The following MAN1C1 variants were observed in gnomAD, a reference collection of about 807,000 sequenced individuals.
The protein encoded by MAN1C1 is mannosidase alpha class 1C member 1, also known as mannosyl-oligosaccharide 1,2-alpha-mannosidase IC.
MAN1C1 carries 49 observed loss-of-function variants against 71.5 expected under a neutral mutation model. The observed-to-expected ratio is 0.69, with a 90% CI of 0.54 to 0.87. The LOEUF (loss-of-function observed/expected upper bound fraction) is 0.87, where lower values mean the gene tolerates loss of function less well. Among genes scored for constraint, MAN1C1 ranks in the 40% least tolerant of loss-of-function variants. The pLI is 0.00. For synonymous variants in MAN1C1, 352 were observed against 343.7 expected (o/e 1.02, Z -0.27); for missense variants, 743 against 835.0 (o/e 0.89, Z 1.36).
At position 25,712,562 on chromosome 1, in the gene MAN1C1, G is replaced by C. The variant is rs180910789; in HGVS notation, c.637+26026G>C. Among the ~76,000 whole-genome samples the C allele has an allele frequency of 4.6e-5, 7 of 152,324 alleles. No individual in the cohort carries two copies. The East Asian group carries it at 1.3e-3, about 29-fold the overall frequency. ...TGAGCTATCCTGATGGTTCTAGCATGTTTAGAGGTCTTTGTGAAACTGCTT... is the reference window on the plus strand; with the variant it reads ...TGAGCTATCCTGATGGTTCTAGCATCTTTAGAGGTCTTTGTGAAACTGCTT... On this transcript the variant is annotated intron_variant, in intron 2 of 11. Coordinates refer to ENST00000374332, the MANE Select transcript of MAN1C1 (RefSeq NM_020379.4).
Position 25,618,134 on chromosome 1 carries a change from C to G in MAN1C1, c.337C>G (p.Arg113Gly). The G allele has an allele frequency of 3.3e-6, 5 of 1,520,856 alleles. No individual in the cohort carries two copies. Among genetic ancestry groups the G allele is most frequent in the Non-Finnish European group, 4.4e-6 (5 of 1,142,054 alleles). 94.2% of individuals were successfully genotyped at this position (1,520,856 alleles called of 1,614,324 possible). ...RRRKGGLRRT[R>G]PTGPREEATA... ...CAGGAAAGGGGGGCTGCGGCGCACC[C>G]GCCCCACTGGACCCCGCGAGGAGGC... The change falls in exon 1 of 12, where the codon CGC (arginine) becomes GGC (glycine). Residue 113 changes from arginine (R) to glycine (G), a missense_variant. Physicochemically the swap from Arg to Gly is moderately radical, Grantham distance 125. Transcript: ENST00000374332.
At chr1:25,742,360 C>G (rs1277972948) in intron 2 of MAN1C1, among the ~76,000 whole-genome samples, 1 of 152,158 alleles carries the variant, frequency 6.6e-6, no homozygotes, top group African/African-American at 2.4e-5. Context: ...CTTTTGGAGG[C>G]AACTACACAA....
chr1:25,708,669 G>A (rs766646046), intron 2 of MAN1C1, among the ~76,000 whole-genome samples: 27 of 152,166 alleles, frequency 1.8e-4, no homozygotes, highest in Non-Finnish European at 3.4e-4. Flanking sequence ...CGGATCACCT[G>A]AGGTCAGGAG....
At chr1:25,741,860 T>A (rs1269559923) in intron 2 of MAN1C1, among the ~76,000 whole-genome samples, 9 of 152,086 alleles carry the variant, frequency 5.9e-5, no homozygotes, top group Admixed American at 3.9e-4. Context: ...AGTATCGGTA[T>A]GTAAGGAGGG....
intron 2 of MAN1C1, among the ~76,000 whole-genome samples, chr1:25,698,896 G>A (rs1292060259): frequency 2.0e-5 from 3 of 151,650 alleles, no homozygotes; most frequent in Non-Finnish European, 4.4e-5. Context: ...TGCAGTGAGT[G>A]GAGATCGCGC....
At chr1:25,727,596 G>A (rs539797715) in intron 2 of MAN1C1, among the ~76,000 whole-genome samples, 6 of 152,344 alleles carry the variant, frequency 3.9e-5, no homozygotes, top group African/African-American at 7.2e-5. Flanking sequence ...AAAAGGACAC[G>A]GAGTGCCCAT....
At chr1:25,777,518 G>A (rs1572214433) in intron 8 of MAN1C1, 1 of 152,248 alleles carries the variant, frequency 6.6e-6, no homozygotes, top group African/African-American at 2.4e-5. Flanking sequence ...CCTGGGACAA[G>A]CTGCCACACC....
intron 1 of MAN1C1, among the ~76,000 whole-genome samples, chr1:25,677,032 G>A (rs887292463): frequency 3.3e-5 from 5 of 152,172 alleles, no homozygotes; most frequent in African/African-American, 9.7e-5. Context: ...CTGGGTGATC[G>A]ATTCTAGTCT....
At chr1:25,679,509 A>G (rs999798656) in intron 1 of MAN1C1, among the ~76,000 whole-genome samples, 1 of 151,850 alleles carries the variant, frequency 6.6e-6, no homozygotes, top group Non-Finnish European at 1.5e-5. Flanking sequence ...TGTGTAATGT[A>G]TAAATTTGGG....
chr1:25,690,288 C>CTTTTTTT (rs33932251), intron 2 of MAN1C1, among the ~76,000 whole-genome samples: 12 of 119,758 alleles, frequency 1.0e-4, no homozygotes, highest in African/African-American at 1.5e-4. Context: ...ATCTCTGCCT[C>CTTTTTTT]TTTTTTTTTT....
chr1:25,742,555 G>T (rs1410830679), intron 2 of MAN1C1, among the ~76,000 whole-genome samples: 1 of 152,230 alleles, frequency 6.6e-6, no homozygotes, highest in Non-Finnish European at 1.5e-5. Flanking sequence ...AGATTTTTGT[G>T]GAGGGGCTGC....
At position 25,725,032 on chromosome 1, in the gene MAN1C1, A is replaced by C. The variant is rs2065970; in HGVS notation, c.638-21636A>C. 6.6e-6 allele frequency among the ~76,000 whole-genome samples: 1 copy of C among 152,054 alleles called. No individual in the cohort carries two copies. The highest frequency in any genetic ancestry group is 2.4e-5 in the African/African-American group (1 of 41,324). ...TCCATTCTGGAAACTGATTATGTCT[A>C]TAACACCAACCCAGAGATAAGCATT... On this transcript the variant is annotated intron_variant, in intron 2 of 11. Coordinates refer to ENST00000374332, the MANE Select transcript of MAN1C1 (RefSeq NM_020379.4). This position sits in a 1 kb window ranked among gnomAD's most constrained non-coding sequence, Gnocchi z 4.8.
chr1:25,690,373 G>C (rs944205653), intron 2 of MAN1C1, among the ~76,000 whole-genome samples: 1 of 144,838 alleles, frequency 6.9e-6, no homozygotes, highest in Non-Finnish European at 1.5e-5. Context: ...GCTCACTTCA[G>C]CCGCTGCCTC....
chr1:25,666,963 G>A (rs2045932674), intron 1 of MAN1C1, among the ~76,000 whole-genome samples: 1 of 152,054 alleles, frequency 6.6e-6, no homozygotes, highest in African/African-American at 2.4e-5. Flanking sequence ...GCAGGAGGCT[G>A]CTGTTTCCTA....
chr1:25,709,664 A>G (rs2046576391), intron 2 of MAN1C1: 2 of 152,200 alleles, frequency 1.3e-5, no homozygotes, highest in Admixed American at 1.3e-4. Context: ...ATTCCTCACC[A>G]ATGCCTGATA....
intron 2 of MAN1C1, among the ~76,000 whole-genome samples, chr1:25,717,661 C>T (rs1045351804): frequency 5.9e-5 from 9 of 151,612 alleles, no homozygotes; most frequent in Non-Finnish European, 8.8e-5. Flanking sequence ...CTGCAGCCTC[C>T]GCCTCCCGGG....
At chr1:25,707,634 A>G (rs963399774) in intron 2 of MAN1C1, among the ~76,000 whole-genome samples, 4 of 152,256 alleles carry the variant, frequency 2.6e-5, no homozygotes, top group African/African-American at 7.2e-5. Context: ...GCCACTGGAC[A>G]GGACTTACCA....
chr1:25,632,498 ACTT>A lies in MAN1C1; in HGVS notation c.540+14167_540+14169del, dbSNP rs139611227. ...ATTTTTTTATGTTTCAATTTCATTTACTTCTTCTCTGATCTTTGTTATTTCTTT... is the reference window on the plus strand; with the variant it reads ...ATTTTTTTATGTTTCAATTTCATTTACTTCTCTGATCTTTGTTATTTCTTT... On this transcript the variant is annotated intron_variant, in intron 1 of 11. Coordinates refer to ENST00000374332, the MANE Select transcript of MAN1C1 (RefSeq NM_020379.4). 1.1e-4 allele frequency among the ~76,000 whole-genome samples: 16 copies of A among 151,078 alleles called. No individual in the cohort carries two copies. In the East Asian group the frequency reaches 2.5e-3, roughly 24 times the overall value.
Position 25,753,726 on chromosome 1 carries a change from C to T in MAN1C1, c.929+148C>T, listed in dbSNP as rs2281000. On this transcript the variant is annotated intron_variant, in intron 5 of 11. Coordinates refer to ENST00000374332, the MANE Select transcript of MAN1C1 (RefSeq NM_020379.4). This position sits in a 1 kb window ranked among gnomAD's most constrained non-coding sequence, Gnocchi z 4.9. ...CCCTTGGGACCACCTCTGTTGAACC[C>T]GTTCTTTTATGATGTAGAAACTGAG... The T allele has an allele frequency of 0.099, 61,562 of 624,344 alleles. 4,073 individuals carry two copies. The highest frequency in any genetic ancestry group is 0.23 in the East Asian group (7,809 of 33,280). 38.7% of individuals were successfully genotyped at this position (624,344 alleles called of 1,614,324 possible). A position where few individuals can be genotyped will look rare whatever the true frequency, so the allele number is the denominator to read the frequency against.
Sources: gnomAD v4.1 joint callset for allele counts (sites outside exome capture counted in the v4.1 genomes callset) on GRCh38, gnomAD v4.1.1 for gene constraint, Gnocchi (gnomAD v3.1) non-coding constraint, MANE v1.5 for transcripts, NCBI Gene and HGNC (gene_info 2026-07-23, HGNC 2026-07-21) for gene names.